The following MECR variants were observed in gnomAD, a reference collection of about 807,000 sequenced individuals.
MECR encodes enoyl-[acyl-carrier-protein] reductase, mitochondrial.
In MECR, 37 loss-of-function variants were observed where a neutral mutation model predicts 49.1. The ratio of observed to expected loss-of-function variants is 0.75; its 90% CI spans 0.58 to 0.99. MECR has a LOEUF of 0.99. Among genes scored for constraint, MECR ranks in the 50% least tolerant of loss-of-function variants. The pLI, the probability that MECR is intolerant of heterozygous loss-of-function variation, is 0.00. For synonymous variants in MECR, 198 were observed against 191.1 expected (o/e 1.04, Z -0.30); for missense variants, 470 against 479.6 (o/e 0.98, Z 0.19).
intron 9 of MECR, among the ~76,000 whole-genome samples, chr1:29,194,661 C>T (rs958518581): frequency 1.3e-5 from 2 of 152,198 alleles, no homozygotes; most frequent in Admixed American, 1.3e-4. Flanking sequence ...CACGACCGGA[C>T]GCCACCAACA....
chr1:29,184,923 G>A, the MECR span, among the ~76,000 whole-genome samples: 1 of 152,058 alleles, frequency 6.6e-6, no homozygotes, highest in African/African-American at 2.4e-5. Flanking sequence ...CCAGGAGTTC[G>A]AGACCAGTCT....
chr1:29,199,930 AT>A (rs35789718), intron 7 of MECR, among the ~76,000 whole-genome samples: 3,777 of 146,136 alleles, frequency 0.026, 69 homozygotes, highest in Middle Eastern at 0.087. Flanking sequence ...AAAAAAATTA[AT>A]TTTTTTTTTT....
chr1:29,175,692 C>T, the MECR span, among the ~76,000 whole-genome samples: 7 of 8,074 alleles, frequency 8.7e-4, no homozygotes, highest in African/African-American at 1.9e-3. Context: ...CAGACGCTGT[C>T]TCAAAAAAAA....
chr1:29,214,574 C>T (rs2151892750), intron 3 of MECR, among the ~76,000 whole-genome samples: 1 of 139,378 alleles, frequency 7.2e-6, no homozygotes, highest in East Asian at 2.1e-4. Context: ...GTTGGCCAGG[C>T]TAGTCTTGAA....
rs543971786 is a variant in MECR, at chr1:29,221,842, G to A, written c.177-5157C>T. On this transcript the variant is annotated intron_variant, in intron 1 of 9. Coordinates refer to ENST00000263702, the MANE Select transcript of MECR (RefSeq NM_016011.5). ...ACTGAACAATGAAATGACAACTTAT[G>A]TCGATGGCTTACTGAGCTCCAAGTA... Among the ~76,000 whole-genome samples, 6 of 152,322 alleles carry A rather than the reference G, an allele frequency of 3.9e-5. No homozygotes were observed. The East Asian group carries it at 1.2e-3, about 29-fold the overall frequency.
At chr1:29,187,186 C>T in the MECR span, among the ~76,000 whole-genome samples, 1 of 152,150 alleles carries the variant, frequency 6.6e-6, no homozygotes, top group Non-Finnish European at 1.5e-5. Flanking sequence ...ACAAGTACAG[C>T]CTGGCACACA....
At chr1:29,181,821 C>T in the MECR span, 1 of 1,342,702 alleles carries the variant, frequency 7.4e-7, no homozygotes, top group Non-Finnish European at 9.7e-7. Context: ...AAAGCGAGAG[C>T]ACGGCGGCAG....
chr1:29,218,514 C>A (rs1296607829), intron 1 of MECR, among the ~76,000 whole-genome samples: 1 of 152,212 alleles, frequency 6.6e-6, no homozygotes, highest in Non-Finnish European at 1.5e-5. Context: ...CTACTTCCTG[C>A]AGAAATCTGA....
chr1:29,181,165 A>G, the MECR span, among the ~76,000 whole-genome samples: 1 of 152,226 alleles, frequency 6.6e-6, no homozygotes, highest in Non-Finnish European at 1.5e-5. Flanking sequence ...GCCTCCCTCC[A>G]AGGCTCCAGT....
At chr1:29,219,685 T>C (rs1002313459) in intron 1 of MECR, among the ~76,000 whole-genome samples, 2 of 152,234 alleles carry the variant, frequency 1.3e-5, no homozygotes, top group African/African-American at 4.8e-5. Flanking sequence ...CTTGGGGCCA[T>C]GTATTATCTA....
At chr1:29,215,408 T>C (rs187935311) in intron 3 of MECR, among the ~76,000 whole-genome samples, 1 of 151,980 alleles carries the variant, frequency 6.6e-6, no homozygotes, top group Non-Finnish European at 1.5e-5. Flanking sequence ...TAAAACCCCC[T>C]CTTTACTAAA....
chr1:29,209,278 AAG>A (rs1288005566), intron 3 of MECR, among the ~76,000 whole-genome samples: 1 of 152,212 alleles, frequency 6.6e-6, no homozygotes, highest in Non-Finnish European at 1.5e-5. Context: ...TAATTTTAAA[AAG>A]TGCTATTTGC....
At chr1:29,168,151 A>G in the MECR span, among the ~76,000 whole-genome samples, 3 of 151,184 alleles carry the variant, frequency 2.0e-5, no homozygotes, top group East Asian at 2.0e-4. Context: ...AGTGGCTGGG[A>G]CTACAGGTGT....
At position 29,216,226 on chromosome 1, in the gene MECR, T is replaced by C; in HGVS notation, c.275-90A>G. On this transcript the variant is annotated intron_variant, in intron 2 of 9. Coordinates refer to ENST00000263702, the MANE Select transcript of MECR (RefSeq NM_016011.5). ...AGTCCACGCCATCCTAGGCCTGATC[T>C]GGGCTCTGCTTTGGACTGTCTGCCT... The C allele has an allele frequency of 4.0e-6, 6 of 1,512,124 alleles. No individual in the cohort carries two copies. In the South Asian group the frequency reaches 7.3e-5, roughly 18 times the overall value. The allele number at this position is 1,512,124 out of a possible 1,614,324, so 93.7% of individuals were successfully genotyped here.
Position 29,206,796 on chromosome 1 carries a change from G to A in MECR, c.516C>T (p.Tyr172=), listed in dbSNP as rs1676700029. 6.2e-7 allele frequency: 1 copy of A among 1,614,218 alleles called. No individual in the cohort carries two copies. Among genetic ancestry groups the A allele is most frequent in the Non-Finnish European group, 8.5e-7 (1 of 1,180,038 alleles). The change falls in exon 4 of 10, where the codon TAC becomes TAT. Residue 172 remains tyrosine, a synonymous_variant. Transcript: ENST00000263702. The part of the protein sequence containing the change: ...ATLGVNPCTA[Y]RMLMDFEQLQ... ...GTTGCTCGAAGTCCATCAACATCCT[G>A]TAGGCTGTGCAGGGATTGACACCCA...
At chr1:29,175,216 C>CTGTGAGGTCAGG in the MECR span, among the ~76,000 whole-genome samples, 1 of 149,102 alleles carries the variant, frequency 6.7e-6, no homozygotes, top group Non-Finnish European at 1.5e-5. Context: ...AGTTCAAAAC[C>CTGTGAGGTCAGG]AGGCTGGCCA....
chr1:29,207,065 G>C (rs1676775893), intron 3 of MECR, among the ~76,000 whole-genome samples, 160 bp from the exon 4 acceptor site: 1 of 152,098 alleles, frequency 6.6e-6, no homozygotes, highest in Non-Finnish European at 1.5e-5. Flanking sequence ...AGAAAATCTG[G>C]ACGTTCCTCT....
At chr1:29,219,771 C>G (rs149365243) in intron 1 of MECR, among the ~76,000 whole-genome samples, 18 of 152,164 alleles carry the variant, frequency 1.2e-4, no homozygotes, top group Non-Finnish European at 2.6e-4. Flanking sequence ...TAGGAATACT[C>G]AGGCTAAGTG....
intron 1 of MECR, chr1:29,224,280 T>C (rs1294846106): frequency 6.6e-6 from 1 of 152,102 alleles, no homozygotes; most frequent in Non-Finnish European, 1.5e-5. Context: ...AACACAACCA[T>C]GCAGCTCCTG....
Sources: allele counts gnomAD v4.1 joint callset (sites outside exome capture counted in the v4.1 genomes callset), GRCh38; gene constraint gnomAD v4.1.1; transcripts MANE v1.5; gene names NCBI Gene and HGNC (gene_info 2026-07-23, HGNC 2026-07-21).